Variants in COL8A1 observed in about 807,000 individuals in gnomAD.
COL8A1 encodes collagen type VIII alpha 1 chain.
COL8A1 carries 21 observed loss-of-function variants against 42.7 expected under a neutral mutation model. The observed-to-expected ratio is 0.49, with a 90% CI of 0.35 to 0.71. The LOEUF is 0.71. Ranked by LOEUF, COL8A1 falls within the 30% of genes least tolerant of loss-of-function variation. The probability of loss-of-function intolerance (pLI) is 0.01; values close to 1 mark genes in which losing one functional copy is unlikely to be tolerated. For synonymous variants in COL8A1, 367 were observed against 369.1 expected (o/e 0.99, Z 0.06); for missense variants, 788 against 962.4 (o/e 0.82, Z 2.40).
chr3:99,730,281 C>T (rs566689771), intron 1 of COL8A1, among the ~76,000 whole-genome samples: 1 of 152,240 alleles, frequency 6.6e-6, no homozygotes, highest in East Asian at 1.9e-4. Context: ...CCTTCAGGAA[C>T]CATAAGAATG....
intron 1 of COL8A1, among the ~76,000 whole-genome samples, chr3:99,654,674 G>C (rs1937955597): frequency 6.6e-6 from 1 of 151,996 alleles, no homozygotes; most frequent in Admixed American, 6.6e-5. Context: ...TGTAGTCCCA[G>C]CCACTCAAGA....
At chr3:99,729,516 A>G (rs188204816) in intron 1 of COL8A1, among the ~76,000 whole-genome samples, 8 of 152,118 alleles carry the variant, frequency 5.3e-5, no homozygotes, top group African/African-American at 1.9e-4. Flanking sequence ...AATGTACTCA[A>G]AAGAAAGCCA....
intron 1 of COL8A1, among the ~76,000 whole-genome samples, chr3:99,684,367 C>T (rs1461178984): frequency 6.6e-6 from 1 of 152,184 alleles, no homozygotes; most frequent in Admixed American, 6.5e-5. Flanking sequence ...ATCTGTCTAG[C>T]TACCAAGTTA....
rs372166147 is a variant in COL8A1, at chr3:99,770,312, C to A, written c.-3-20368C>A. Among the ~76,000 whole-genome samples, 5 of 152,152 alleles carry A rather than the reference C, an allele frequency of 3.3e-5. No homozygotes were observed. The East Asian group carries it at 9.6e-4, about 29-fold the overall frequency. On this transcript the variant is annotated intron_variant, in intron 2 of 3. Coordinates refer to ENST00000652472, the MANE Select transcript of COL8A1 (RefSeq NM_020351.4). The stretch of plus-strand genomic sequence containing the variant: ...CAGGAGAAGGTCAAAGCGTGACCTT[C>A]TTGCTTCTGAGGTTTTCTCAATTAC...
intron 1 of COL8A1, among the ~76,000 whole-genome samples, chr3:99,656,923 C>T (rs988090410): frequency 1.3e-5 from 2 of 152,194 alleles, no homozygotes; most frequent in Non-Finnish European, 2.9e-5. Context: ...CCCATTGAAG[C>T]CCTTTTGTGT....
intron 2 of COL8A1, among the ~76,000 whole-genome samples, chr3:99,768,513 T>A (rs1941507532): frequency 6.6e-6 from 1 of 152,232 alleles, no homozygotes. Context: ...TTGACCAAGG[T>A]CACATAGACC....
intron 1 of COL8A1, among the ~76,000 whole-genome samples, chr3:99,682,431 A>G (rs1444865585): frequency 6.6e-6 from 1 of 152,068 alleles, no homozygotes; most frequent in Non-Finnish European, 1.5e-5. Context: ...AATAATAATA[A>G]TGATAATAAT....
intron 1 of COL8A1, among the ~76,000 whole-genome samples, chr3:99,723,003 T>TTGTGTGTG (rs34062497): frequency 0.016 from 2,286 of 147,160 alleles, 43 homozygotes; most frequent in African/African-American, 0.041. Flanking sequence ...GAGACCAAAG[T>TTGTGTGTG]TGTGTGTGTG....
At chr3:99,640,465 G>A (rs1937485690) in intron 1 of COL8A1, among the ~76,000 whole-genome samples, 1 of 152,192 alleles carries the variant, frequency 6.6e-6, no homozygotes, top group Admixed American at 6.5e-5. Context: ...CTTGAGGGAA[G>A]TTATCTTTTC....
At chr3:99,691,264 TAGC>T (rs1444079526) in intron 1 of COL8A1, 1 of 152,190 alleles carries the variant, frequency 6.6e-6, no homozygotes, top group African/African-American at 2.4e-5. Flanking sequence ...AAATGGCTTT[TAGC>T]AGCAGAAGCC....
intron 1 of COL8A1, among the ~76,000 whole-genome samples, chr3:99,716,651 C>A (rs989771818): frequency 2.0e-5 from 3 of 151,984 alleles, no homozygotes; most frequent in Non-Finnish European, 4.4e-5. Context: ...TGATCCCCCT[C>A]CTCAAAAGCC....
chr3:99,699,948 T>C (rs960252576), intron 1 of COL8A1, among the ~76,000 whole-genome samples: 6 of 152,148 alleles, frequency 3.9e-5, no homozygotes, highest in African/African-American at 1.2e-4. Context: ...TTCCTGACTG[T>C]TGATGAAATA....
intron 1 of COL8A1, among the ~76,000 whole-genome samples, chr3:99,659,350 T>C (rs1224077349): frequency 2.0e-5 from 3 of 152,212 alleles, no homozygotes; most frequent in African/African-American, 7.2e-5. Context: ...CCTTCCCTGT[T>C]TGTGGCATGG....
intron 2 of COL8A1, among the ~76,000 whole-genome samples, chr3:99,774,958 G>A (rs993568953): frequency 6.6e-6 from 1 of 152,152 alleles, no homozygotes; most frequent in African/African-American, 2.4e-5. Flanking sequence ...AAAGTAAATG[G>A]CCAAGCAATG....
chr3:99,705,758 A>G (rs929855406), intron 1 of COL8A1, among the ~76,000 whole-genome samples: 15 of 152,312 alleles, frequency 9.8e-5, no homozygotes, highest in African/African-American at 3.6e-4. Flanking sequence ...TGTTTTGGGG[A>G]TGAATAAACT....
chr3:99,639,140 T>TA (rs199533581), intron 1 of COL8A1, among the ~76,000 whole-genome samples: 1,661 of 152,242 alleles, frequency 0.011, 28 homozygotes, highest in African/African-American at 0.039. Context: ...GTGAGTCCTT[T>TA]AAAAAAATAT....
At chr3:99,709,927 CAT>C (rs1476751451) in intron 1 of COL8A1, among the ~76,000 whole-genome samples, 4 of 152,186 alleles carry the variant, frequency 2.6e-5, no homozygotes, top group African/African-American at 9.6e-5. Flanking sequence ...CCCTTCTTCT[CAT>C]GTGTGAGGAG....
chr3:99,770,423 C>T (rs549724929), intron 2 of COL8A1, among the ~76,000 whole-genome samples: 1 of 152,286 alleles, frequency 6.6e-6, no homozygotes, highest in South Asian at 2.1e-4. Flanking sequence ...ATGGCCTAGC[C>T]TGCTTTTTAA....
intron 1 of COL8A1, among the ~76,000 whole-genome samples, chr3:99,685,993 A>G (rs1238717937): frequency 6.6e-6 from 1 of 152,220 alleles, no homozygotes; most frequent in East Asian, 1.9e-4. Flanking sequence ...TCCCTCATCA[A>G]GTAGTAGGAC....
Sources: gnomAD v4.1 joint callset for allele counts (sites outside exome capture counted in the v4.1 genomes callset) on GRCh38, gnomAD v4.1.1 for gene constraint, MANE v1.5 for transcripts, NCBI Gene and HGNC (gene_info 2026-07-23, HGNC 2026-07-21) for gene names.